The following MTFR2 variants were observed in gnomAD, a reference collection of about 807,000 sequenced individuals.
MTFR2 encodes the protein mitochondrial fission regulator 2, also known as DUF729 domain-containing protein 1.
MTFR2 carries 44 observed loss-of-function variants against 41.2 expected under a neutral mutation model. The ratio of observed to expected loss-of-function variants is 1.07; its 90% CI spans 0.84 to 1.37. The LOEUF (loss-of-function observed/expected upper bound fraction) is 1.37, where lower values mean the gene tolerates loss of function less well. Ranked by LOEUF, MTFR2 falls within the 40% of genes most tolerant of loss-of-function variation. The pLI is 0.00. For synonymous variants in MTFR2, 141 were observed against 154.6 expected (o/e 0.91, Z 0.65); for missense variants, 452 against 459.5 (o/e 0.98, Z 0.15).
At chr6:136,233,816 T>C (rs952034261) in intron 6 of MTFR2, among the ~76,000 whole-genome samples, 1 of 148,224 alleles carries the variant, frequency 6.7e-6, no homozygotes, top group Non-Finnish European at 1.5e-5. Flanking sequence ...AAAATTCAAA[T>C]AAATAAGAAC....
intron 6 of MTFR2, among the ~76,000 whole-genome samples, chr6:136,235,362 T>C (rs1252951440): frequency 6.6e-6 from 1 of 152,120 alleles, no homozygotes; most frequent in African/African-American, 2.4e-5. Flanking sequence ...AGATGTCAAG[T>C]AGGCATTTCA....
rs60002962 is a variant in MTFR2 at position 136,238,678 on chromosome 6, CCACACA to C, written c.869+782_869+787del. Among the ~76,000 whole-genome samples the C allele has an allele frequency of 2.7e-4, 39 of 146,446 alleles. 1 individual carries two copies. Among genetic ancestry groups the C allele is most frequent in the East Asian group, 2.2e-3 (11 of 5,060 alleles). ...GAATAGAGCTCATTATGTTTTTTCACCACACACACACACACACACACACACACACAT... is the reference window on the plus strand; with the variant it reads ...GAATAGAGCTCATTATGTTTTTTCACCACACACACACACACACACACACAT... On this transcript the variant is annotated intron_variant, in intron 6 of 7. Transcript: ENST00000420702.
rs1437930589 is a variant in MTFR2, at chr6:136,233,369, T to G, written c.1000A>C (p.Arg334=). Residue 334 remains arginine (R), a synonymous_variant, in exon 7 of 8, where the codon AGA becomes CGA. Transcript: ENST00000420702. ...GAAAATGGGGAAGATTCCCAAGATC[T>G]ATTCTCTTTCTCAAAAGAATCATCT... ...QEDDSFEKEN[R]SWESSPFSSP... 1 of 1,612,598 alleles carries G rather than the reference T, an allele frequency of 6.2e-7. No individual in the cohort carries two copies. The highest frequency in any genetic ancestry group is 8.5e-7 in the Non-Finnish European group (1 of 1,179,168).
Position 136,241,687 on chromosome 6 carries a change from A to G in MTFR2, c.282-11T>C. 6.3e-7 allele frequency: 1 copy of G among 1,587,906 alleles called. No individual in the cohort carries two copies. The highest frequency in any genetic ancestry group is 2.2e-5 in the East Asian group (1 of 44,748). On this transcript the variant is annotated splice_polypyrimidine_tract_variant and intron_variant, in intron 4 of 7. Coordinates refer to ENST00000420702, the MANE Select transcript of MTFR2 (RefSeq NM_001099286.3). ...TTCCATATACTATTTCTGTGGGTGA[A>G]AAAAAATAGGAAATGGAGGGAAGAT...
Position 136,233,466 on chromosome 6 carries a change from T to TATGAATGGGTCTTATGAA in MTFR2, c.902_903insTTCATAAGACCCATTCAT (p.Lys301delinsAsnSerTer). On this transcript the variant is annotated stop_gained and protein_altering_variant, in exon 7 of 8. Transcript: ENST00000420702. LOFTEE classifies it high-confidence loss of function. ...CTGGATCCCAATGTGAATTCTGTCTTTTCCTCTTATGAATGGGTCTACCGC... is the reference window on the plus strand; with the variant it reads ...CTGGATCCCAATGTGAATTCTGTCTTATGAATGGGTCTTATGAATTCCTCTTATGAATGGGTCTACCGC... 2 of 1,580,722 alleles carry TATGAATGGGTCTTATGAA rather than the reference T, an allele frequency of 1.3e-6. No homozygotes were observed. Among genetic ancestry groups the TATGAATGGGTCTTATGAA allele is most frequent in the Non-Finnish European group, 1.7e-6 (2 of 1,157,552 alleles).
intron 6 of MTFR2, among the ~76,000 whole-genome samples, chr6:136,237,039 G>A (rs549329972): frequency 6.6e-6 from 1 of 152,160 alleles, no homozygotes; most frequent in African/African-American, 2.4e-5. Flanking sequence ...TGCTAAATAA[G>A]ACACTTCTCT....
chr6:136,244,955 AAAAAAGACG>A lies in MTFR2; in HGVS notation c.64-95_64-87del, dbSNP rs1023032701. The A allele has an allele frequency of 1.5e-4, 152 of 982,008 alleles. No individual in the cohort carries two copies. The African/African-American group carries it at 7.5e-3, about 49-fold the overall frequency. 60.8% of individuals were successfully genotyped at this position (982,008 alleles called of 1,614,324 possible). On this transcript the variant is annotated intron_variant, in intron 2 of 7. Transcript: ENST00000420702. ...TGAAAAAAGGAGATGTAAAAAAGAC[AAAAAAGACG>A]CAGTGGCATTTTTTTTTTAATACAG...
chr6:136,234,000 A>G (rs1040983736), intron 6 of MTFR2, among the ~76,000 whole-genome samples: 2 of 152,092 alleles, frequency 1.3e-5, no homozygotes, highest in Non-Finnish European at 2.9e-5. Flanking sequence ...ATCAATATAC[A>G]AGTAAGATCA....
intron 2 of MTFR2, among the ~76,000 whole-genome samples, chr6:136,245,388 G>A (rs1047622129): frequency 6.6e-6 from 1 of 152,136 alleles, no homozygotes; most frequent in African/African-American, 2.4e-5. Flanking sequence ...AAATATATCT[G>A]CTGGCAGTCA....
At chr6:136,247,088 G>A (rs756400857) in intron 2 of MTFR2, among the ~76,000 whole-genome samples, 15 of 152,116 alleles carry the variant, frequency 9.9e-5, no homozygotes, top group Non-Finnish European at 1.8e-4. Flanking sequence ...AGGGGCTCAC[G>A]CCTGTAATCC....
rs878950062 is a variant in MTFR2 at position 136,244,964 on chromosome 6, G to T, written c.64-95C>A. The T allele has an allele frequency of 9.1e-6, 8 of 879,472 alleles. No homozygotes were observed. In the Admixed American group the frequency reaches 1.5e-4, roughly 16 times the overall value. The allele number at this position is 879,472 out of a possible 1,614,324, so 54.5% of individuals were successfully genotyped here. A position where few individuals can be genotyped will look rare whatever the true frequency, so the allele number is the denominator to read the frequency against. On this transcript the variant is annotated intron_variant, in intron 2 of 7. Transcript: ENST00000420702. The stretch of plus-strand genomic sequence containing the variant: ...GAGATGTAAAAAAGACAAAAAAGAC[G>T]CAGTGGCATTTTTTTTTTAATACAG...
chr6:136,241,743 T>G lies in MTFR2; in HGVS notation c.282-67A>C, dbSNP rs187251906. On this transcript the variant is annotated intron_variant, in intron 4 of 7. Coordinates refer to ENST00000420702, the MANE Select transcript of MTFR2 (RefSeq NM_001099286.3). ...TCCAATCAAAAGAGGTATAAACTCT[T>G]ACACTCCTACGTGAAAATCAAAAGA... The G allele has an allele frequency of 2.5e-6, 3 of 1,192,590 alleles. No individual in the cohort carries two copies. In the East Asian group the frequency reaches 7.2e-5, roughly 28 times the overall value. 73.9% of individuals were successfully genotyped at this position (1,192,590 alleles called of 1,614,324 possible).
chr6:136,247,012 C>T (rs566393353), intron 2 of MTFR2, among the ~76,000 whole-genome samples: 46 of 152,170 alleles, frequency 3.0e-4, no homozygotes, highest in Non-Finnish European at 5.0e-4. Context: ...AGAACTTCAA[C>T]TTGACATACC....
chr6:136,246,813 T>C (rs1250024118), intron 2 of MTFR2, among the ~76,000 whole-genome samples: 1 of 152,144 alleles, frequency 6.6e-6, no homozygotes, highest in Non-Finnish European at 1.5e-5. Context: ...AAAACGACAA[T>C]ATTTAGAAAA....
intron 7 of MTFR2, 79 bp from the exon 8 acceptor site, chr6:136,231,467 G>T: frequency 3.7e-6 from 3 of 817,734 alleles, no homozygotes; most frequent in South Asian, 3.1e-5. Flanking sequence ...AAGGCCAGAT[G>T]ACCCTCTGAG....
intron 1 of MTFR2, among the ~76,000 whole-genome samples, chr6:136,249,632 A>C (rs1369812240): frequency 6.6e-6 from 1 of 152,194 alleles, no homozygotes; most frequent in Non-Finnish European, 1.5e-5. Context: ...TAACTGAATC[A>C]TGGGGGCAGC....
At chr6:136,240,967 TG>T (rs1678925227) in intron 5 of MTFR2, among the ~76,000 whole-genome samples, 2 of 152,110 alleles carry the variant, frequency 1.3e-5, no homozygotes, top group South Asian at 4.1e-4. Flanking sequence ...GGCGGGCGCC[TG>T]TAGTCCCAGC....
chr6:136,248,072 T>TA (rs58758655), intron 2 of MTFR2, among the ~76,000 whole-genome samples: 7,345 of 152,214 alleles, frequency 0.048, 605 homozygotes, highest in African/African-American at 0.17. Flanking sequence ...ACTTTTGCTT[T>TA]AAAAAAATCT....
At chr6:136,241,316 C>T (rs1306593328) in intron 5 of MTFR2, 128 bp downstream of exon 5, 8 of 693,560 alleles carry the variant, frequency 1.2e-5, no homozygotes, top group Admixed American at 9.0e-5. Context: ...ATTGTACTCA[C>T]TTAAATACTA....
Sources: gnomAD v4.1 joint callset for allele counts (sites outside exome capture counted in the v4.1 genomes callset) on GRCh38, gnomAD v4.1.1 for gene constraint, MANE v1.5 for transcripts, NCBI Gene and HGNC (gene_info 2026-07-23, HGNC 2026-07-21) for gene names.